ABCA1: variants seen among roughly 807,000 people sequenced by gnomAD.
ABCA1 encodes the protein phospholipid-transporting ATPase ABCA1.
In ABCA1, 133 loss-of-function variants were observed where a neutral mutation model predicts 262.5. That is an observed-to-expected ratio of 0.51 (90% CI 0.44 to 0.59). The LOEUF (loss-of-function observed/expected upper bound fraction) is 0.59. Among genes scored for constraint, ABCA1 ranks in the 20% least tolerant of loss-of-function variants. The probability of loss-of-function intolerance (pLI) is 0.00; values close to 1 mark genes in which losing one functional copy is unlikely to be tolerated. For missense variants in ABCA1, 2,452 were observed against 2,777.5 expected (o/e 0.88, Z 2.63); for synonymous variants, 1,022 against 1,043.5 (o/e 0.98, Z 0.40).
intron 1 of ABCA1, among the ~76,000 whole-genome samples, chr9:104,912,452 A>G (rs1463132802): frequency 1.3e-5 from 2 of 152,200 alleles, no homozygotes; most frequent in Non-Finnish European, 2.9e-5. Context: ...CTCCATCTAT[A>G]TCATGTCACT....
chr9:104,800,651 G>A (rs1456285616), intron 34 of ABCA1, 67 bp from the exon 35 acceptor site: 1 of 1,438,772 alleles, frequency 7.0e-7, no homozygotes, highest in African/African-American at 1.4e-5. Context: ...AGTCAATCTG[G>A]AACCTGTGGA....
intron 15 of ABCA1, among the ~76,000 whole-genome samples, chr9:104,827,451 A>T (rs1436004735): frequency 3.9e-5 from 6 of 152,180 alleles, no homozygotes; most frequent in Admixed American, 3.9e-4. Flanking sequence ...TTGTTTCTTC[A>T]ATAGGTAATT....
At position 104,827,036 on chromosome 9, in the gene ABCA1, C is replaced by T. The variant is rs1369180414; in HGVS notation, c.2249G>A (p.Gly750Glu). 5.0e-6 allele frequency: 8 copies of T among 1,614,080 alleles called. No homozygotes were observed. Among genetic ancestry groups the T allele is most frequent in the Non-Finnish European group, 6.8e-6 (8 of 1,180,046 alleles). ...GTACAGCGTGAAGTAGATGATGCCC[C>T]CACAGGCTGCTGCCAGGTTGGCTCT... ...FSRANLAAAC[G>E]GIIYFTLYLP... Residue 750 changes from glycine to glutamate, a missense_variant, in exon 16 of 50, where the codon GGG becomes GAG. Physicochemically the swap from Gly to Glu is moderately conservative, Grantham distance 98. This residue lies in a region of ABCA1 where 1,032 missense variants were observed against 1,089.7 expected (regional missense o/e 0.95). Transcript: ENST00000374736.
intron 5 of ABCA1, among the ~76,000 whole-genome samples, chr9:104,862,652 G>GCCCCCC (rs1488832306): frequency 2.6e-4 from 1 of 3,892 alleles, no homozygotes; most frequent in Non-Finnish European, 7.0e-4. Flanking sequence ...GCCGGGCCGG[G>GCCCCCC]CCGGGCCGGG....
chr9:104,890,125 T>C (rs780872745), intron 2 of ABCA1, among the ~76,000 whole-genome samples: 4 of 152,210 alleles, frequency 2.6e-5, no homozygotes, highest in Non-Finnish European at 4.4e-5. Context: ...TCCTTTCATT[T>C]CTATATTCCA....
intron 19 of ABCA1, among the ~76,000 whole-genome samples, chr9:104,822,132 A>T (rs1832415530): frequency 6.6e-6 from 1 of 152,060 alleles, no homozygotes; most frequent in African/African-American, 2.4e-5. Context: ...GCCCAGCTTG[A>T]TTGCGTCTCA....
intron 11 of ABCA1, 29 bp downstream of exon 11, chr9:104,836,951 C>T: frequency 6.5e-7 from 1 of 1,548,844 alleles, no homozygotes; most frequent in South Asian, 1.1e-5. Flanking sequence ...ATCAAGCAGG[C>T]ACATGGTAAT....
intron 6 of ABCA1, among the ~76,000 whole-genome samples, chr9:104,860,167 C>T (rs956787730): frequency 1.3e-5 from 2 of 151,890 alleles, no homozygotes; most frequent in African/African-American, 2.4e-5. Context: ...AGTATTGATC[C>T]CAAGAATTTT....
At position 104,809,261 on chromosome 9, in the gene ABCA1, C is replaced by T. The variant is rs78840822; in HGVS notation, c.4274+205G>A. ...AATGTCTGTAATGACGTGCTTTGCACGGTGTTAGAAGACTCTCCAAACGTT... is the reference window on the plus strand; with the variant it reads ...AATGTCTGTAATGACGTGCTTTGCATGGTGTTAGAAGACTCTCCAAACGTT... On this transcript the variant is annotated intron_variant, in intron 30 of 49. Transcript: ENST00000374736. Among the ~76,000 whole-genome samples, 164 of 152,356 alleles carry T rather than the reference C, an allele frequency of 1.1e-3. 1 individual carries two copies. The highest frequency in any genetic ancestry group is 3.4e-3 in the Middle Eastern group (1 of 294).
At chr9:104,876,350 C>T (rs1408535092) in intron 5 of ABCA1, among the ~76,000 whole-genome samples, 2 of 152,098 alleles carry the variant, frequency 1.3e-5, no homozygotes, top group Non-Finnish European at 1.5e-5. Flanking sequence ...CGCCCTATCC[C>T]GGGAAGGCAA....
intron 30 of ABCA1, among the ~76,000 whole-genome samples, chr9:104,807,869 CACACACAT>C (rs149134723): frequency 0.054 from 7,403 of 137,256 alleles, 584 homozygotes; most frequent in African/African-American, 0.21. Context: ...CACACACACA[CACACACAT>C]ATATATATTA....
At chr9:104,807,562 T>C (rs1368275520) in intron 30 of ABCA1, among the ~76,000 whole-genome samples, 5 of 152,132 alleles carry the variant, frequency 3.3e-5, no homozygotes, top group Non-Finnish European at 1.5e-5. Flanking sequence ...ATGCCTGTAA[T>C]CCCAGAACTT....
Position 104,834,525 on chromosome 9 carries a change from C to G in ABCA1, c.1312-1754G>C, listed in dbSNP as rs1361946036. Among the ~76,000 whole-genome samples the G allele has an allele frequency of 2.7e-5, 4 of 149,042 alleles. 1 individual carries two copies. The highest frequency in any genetic ancestry group is 6.8e-5 in the Admixed American group (1 of 14,746). On this transcript the variant is annotated intron_variant, in intron 11 of 49. Coordinates refer to ENST00000374736, the MANE Select transcript of ABCA1 (RefSeq NM_005502.4). ...ACAAAAGCAGAGTGAAGAGACGCAG[C>G]CTTTAGGGTGAAGTCGGCCCTGCCC...
rs528605268 is a variant in ABCA1, at chr9:104,864,833, A to C, written c.422-3033T>G. ...CTCCAGACCAGTGAGTGTGCTCAGCATGTTTATAAGACTTCTGTTATGTTA... is the reference window on the plus strand; with the variant it reads ...CTCCAGACCAGTGAGTGTGCTCAGCCTGTTTATAAGACTTCTGTTATGTTA... On this transcript the variant is annotated intron_variant, in intron 5 of 49. Coordinates refer to ENST00000374736, the MANE Select transcript of ABCA1 (RefSeq NM_005502.4). 4.6e-5 allele frequency among the ~76,000 whole-genome samples: 7 copies of C among 152,276 alleles called. No individual in the cohort carries two copies. In the South Asian group the frequency reaches 1.5e-3, roughly 32 times the overall value.
At chr9:104,875,188 A>T (rs1171732685) in intron 5 of ABCA1, among the ~76,000 whole-genome samples, 9 of 151,986 alleles carry the variant, frequency 5.9e-5, no homozygotes, top group South Asian at 4.2e-4. Flanking sequence ...AATAAAAATT[A>T]AAAAATTAGC....
At position 104,788,399 on chromosome 9, in the gene ABCA1, A is replaced by G. The variant is rs201483791; in HGVS notation, c.6069+27T>C. The stretch of plus-strand genomic sequence containing the variant: ...ATATTGTCAGGATGCCAAAGGAGAC[A>G]GGCTGGCTTTCAGGTGCCCACAGTA... On this transcript the variant is annotated intron_variant, in intron 45 of 49. Transcript: ENST00000374736. 5.1e-5 allele frequency: 83 copies of G among 1,614,050 alleles called. No individual in the cohort carries two copies. In the African/African-American group the frequency reaches 1.0e-3, roughly 20 times the overall value.
In ABCA1 at chr9:104,840,277, A is replaced by T; in HGVS notation, c.1054+2T>A. The T allele has an allele frequency of 6.2e-7, 1 of 1,614,150 alleles. No homozygotes were observed. The highest frequency in any genetic ancestry group is 8.5e-7 in the Non-Finnish European group (1 of 1,180,026). On this transcript the variant is annotated splice_donor_variant, in intron 9 of 49. Coordinates refer to ENST00000374736, the MANE Select transcript of ABCA1 (RefSeq NM_005502.4). LOFTEE classifies it high-confidence loss of function. ...AGGGCTGGGGTCTGCATGGACACTC[A>T]CTTGTAGAGTTGTCATAGAAGGTTT...
intron 17 of ABCA1, among the ~76,000 whole-genome samples, chr9:104,825,275 G>A (rs904284735): frequency 2.6e-5 from 4 of 152,164 alleles, no homozygotes; most frequent in African/African-American, 9.6e-5. Flanking sequence ...ATTCGCCTGG[G>A]CTTATTGACC....
intron 2 of ABCA1, 61 bp downstream of exon 2, chr9:104,903,553 C>G: frequency 1.3e-6 from 2 of 1,518,034 alleles, no homozygotes; most frequent in Non-Finnish European, 1.8e-6. Context: ...CTCCAATCCC[C>G]AACTCAAAAC....
Sources: allele counts gnomAD v4.1 joint callset (sites outside exome capture counted in the v4.1 genomes callset), GRCh38; gene constraint gnomAD v4.1.1; regional missense constraint gnomAD v4.1.1; transcripts MANE v1.5; gene names NCBI Gene and HGNC (gene_info 2026-07-23, HGNC 2026-07-21).